Variants in PTPRM observed in about 807,000 individuals in gnomAD.
PTPRM encodes the protein receptor-type tyrosine-protein phosphatase mu.
Under a neutral mutation model 186.7 loss-of-function variants are expected in PTPRM, and 47 were observed. The ratio of observed to expected loss-of-function variants is 0.25; its 90% CI spans 0.20 to 0.32. The LOEUF (loss-of-function observed/expected upper bound fraction) is 0.32. Among genes scored for constraint, PTPRM ranks in the 10% least tolerant of loss-of-function variants. PTPRM has a pLI of 1.00. For missense variants in PTPRM, 1,494 were observed against 1,865.0 expected (o/e 0.80, Z 3.66); for synonymous variants, 668 against 674.9 (o/e 0.99, Z 0.16).
intron 1 of PTPRM, among the ~76,000 whole-genome samples, chr18:7,762,906 C>G (rs1425706332): frequency 2.6e-5 from 4 of 152,156 alleles, no homozygotes; most frequent in African/African-American, 9.7e-5. Context: ...ATGTTCATCA[C>G]CTTGTAACAG....
intron 5 of PTPRM, 107 bp downstream of exon 5, chr18:7,926,790 C>A: frequency 1.5e-6 from 1 of 659,122 alleles, no homozygotes; most frequent in Non-Finnish European, 2.4e-6. Context: ...GTAAGAGTTT[C>A]CTTCTTTGTT....
chr18:8,375,565 A>G (rs942069497), intron 24 of PTPRM, among the ~76,000 whole-genome samples: 1 of 152,190 alleles, frequency 6.6e-6, no homozygotes, highest in East Asian at 1.9e-4. Context: ...GTGAGTGTGC[A>G]CCACTCCAGT....
intron 32 of PTPRM, among the ~76,000 whole-genome samples, chr18:8,397,276 C>T (rs567516094): frequency 1.0e-3 from 157 of 152,364 alleles, no homozygotes; most frequent in Non-Finnish European, 1.6e-3. Context: ...CCGCTCTACC[C>T]TCCCTGCCAG....
chr18:8,375,632 G>A (rs903539298), intron 24 of PTPRM, among the ~76,000 whole-genome samples: 1 of 152,148 alleles, frequency 6.6e-6, no homozygotes, highest in African/African-American at 2.4e-5. Flanking sequence ...TTGGTATTGA[G>A]CACACAGACA....
rs547615961 is a variant in PTPRM at position 7,825,138 on chromosome 18, C to T, written c.196+50867C>T. Among the ~76,000 whole-genome samples, 40 of 152,212 alleles carry T rather than the reference C, an allele frequency of 2.6e-4. 1 individual carries two copies. In the South Asian group the frequency reaches 4.8e-3, roughly 18 times the overall value. On this transcript the variant is annotated intron_variant, in intron 2 of 32. Transcript: ENST00000580170. ...AGGAAATTCCCTAGGAAGAAGTGGC[C>T]GGGAGCCAGGAGGCTGAACTAAATA...
At chr18:7,988,915 A>C (rs1346405475) in intron 7 of PTPRM, among the ~76,000 whole-genome samples, 1 of 152,194 alleles carries the variant, frequency 6.6e-6, no homozygotes, top group Non-Finnish European at 1.5e-5. Flanking sequence ...TTTTGATACA[A>C]GTTAGATTTA....
At chr18:8,248,758 T>C (rs532378589) in intron 17 of PTPRM, among the ~76,000 whole-genome samples, 1 of 152,268 alleles carries the variant, frequency 6.6e-6, no homozygotes, top group Admixed American at 6.5e-5. Flanking sequence ...CAGTGGAATT[T>C]CAAAGGAGCT....
chr18:8,287,836 A>G (rs2094974205), intron 19 of PTPRM, among the ~76,000 whole-genome samples: 1 of 152,216 alleles, frequency 6.6e-6, no homozygotes, highest in Admixed American at 6.5e-5. Context: ...AGCATGACTT[A>G]TAGAAACACA....
chr18:7,825,958 AT>A (rs2145663326), intron 2 of PTPRM, among the ~76,000 whole-genome samples: 1 of 152,232 alleles, frequency 6.6e-6, no homozygotes, highest in East Asian at 1.9e-4. Flanking sequence ...TCCTCACCAT[AT>A]TTATTCCATA....
intron 1 of PTPRM, among the ~76,000 whole-genome samples, chr18:7,647,734 G>A (rs1006940021): frequency 6.6e-6 from 1 of 152,112 alleles, no homozygotes; most frequent in African/African-American, 2.4e-5. Flanking sequence ...TTGTTGACTT[G>A]GTCATGTAGA....
At chr18:7,959,396 G>A (rs116771763) in intron 7 of PTPRM, among the ~76,000 whole-genome samples, 3,279 of 152,210 alleles carry the variant, frequency 0.022, 44 homozygotes, top group African/African-American at 0.044. Flanking sequence ...GCCAAGCTCT[G>A]TGTTTTCGTT....
At chr18:8,323,246 C>T (rs186024299) in intron 22 of PTPRM, among the ~76,000 whole-genome samples, 38 of 152,236 alleles carry the variant, frequency 2.5e-4, no homozygotes, top group Non-Finnish European at 4.9e-4. Context: ...TTGCACAGTC[C>T]TGAGCATCCT....
intron 1 of PTPRM, among the ~76,000 whole-genome samples, chr18:7,736,253 A>C (rs1452520222): frequency 6.6e-6 from 1 of 152,188 alleles, no homozygotes; most frequent in African/African-American, 2.4e-5. Flanking sequence ...GTAGGAATAT[A>C]GGTCTAGTTT....
intron 11 of PTPRM, among the ~76,000 whole-genome samples, chr18:8,093,876 C>T (rs1393331574): frequency 2.0e-5 from 3 of 152,146 alleles, no homozygotes; most frequent in East Asian, 1.9e-4. Context: ...GTATTACTTA[C>T]GTAACTTAAC....
chr18:7,773,732 C>T (rs377140531), intron 1 of PTPRM, among the ~76,000 whole-genome samples: 3 of 152,034 alleles, frequency 2.0e-5, no homozygotes, highest in East Asian at 3.9e-4. Flanking sequence ...AGGTGCCTGC[C>T]ATCATGCCCA....
In PTPRM at chr18:8,088,859, A is replaced by G. The variant is rs748184760; in HGVS notation, c.1856+8A>G. 4 of 1,590,608 alleles carry G rather than the reference A, an allele frequency of 2.5e-6. No homozygotes were observed. Among genetic ancestry groups the G allele is most frequent in the Non-Finnish European group, 3.5e-6 (4 of 1,159,084 alleles). ...CAGAGGAGCACCTGTCAGGTATGGA[A>G]CAGAGGGTTGGGCCGGCTCTAGATA... On this transcript the variant is annotated splice_region_variant and intron_variant, in intron 11 of 32. Transcript: ENST00000580170.
In PTPRM at chr18:8,143,855, TCA is replaced by T. The variant is rs1434084314; in HGVS notation, c.2300+77_2300+78del. 12 of 1,549,078 alleles carry T rather than the reference TCA, an allele frequency of 7.7e-6. No individual in the cohort carries two copies. The South Asian group carries it at 9.0e-5, about 12-fold the overall frequency. The stretch of plus-strand genomic sequence containing the variant: ...GAATGTTTTGTGTGTGTGAAAATTC[TCA>T]GTTACTGAACTGGCTTTGATAACCC... On this transcript the variant is annotated intron_variant, in intron 14 of 32. Coordinates refer to ENST00000580170, the MANE Select transcript of PTPRM (RefSeq NM_001105244.2).
chr18:7,953,477 C>A (rs1171981377), intron 6 of PTPRM, among the ~76,000 whole-genome samples: 1 of 152,100 alleles, frequency 6.6e-6, no homozygotes, highest in Non-Finnish European at 1.5e-5. Flanking sequence ...AAATGAAAAA[C>A]CAGCACAAAG....
intron 14 of PTPRM, among the ~76,000 whole-genome samples, chr18:8,198,556 C>T (rs1048229094): frequency 1.3e-5 from 2 of 152,176 alleles, no homozygotes; most frequent in Admixed American, 6.5e-5. Context: ...CAGATGGGAT[C>T]ATCATCCCAT....
Sources: allele counts gnomAD v4.1 joint callset (sites outside exome capture counted in the v4.1 genomes callset), GRCh38; gene constraint gnomAD v4.1.1; transcripts MANE v1.5; gene names NCBI Gene and HGNC (gene_info 2026-07-23, HGNC 2026-07-21).